The following STARD13 variants were observed in gnomAD, a reference collection of about 807,000 sequenced individuals.
STARD13 encodes stAR-related lipid transfer protein 13.
STARD13 carries 62 observed loss-of-function variants against 106.4 expected under a neutral mutation model. The observed-to-expected ratio is 0.58, with a 90% CI of 0.48 to 0.72. The LOEUF (loss-of-function observed/expected upper bound fraction) is 0.72, where lower values mean the gene tolerates loss of function less well. Ranked by LOEUF, STARD13 falls within the 30% of genes least tolerant of loss-of-function variation. The probability of loss-of-function intolerance (pLI) is 0.00; values close to 1 mark genes in which losing one functional copy is unlikely to be tolerated. For missense variants in STARD13, 1,387 were observed against 1,424.0 expected (o/e 0.97, Z 0.42); for synonymous variants, 565 against 553.0 (o/e 1.02, Z -0.31).
the STARD13 span, among the ~76,000 whole-genome samples, chr13:33,602,936 G>A: frequency 6.6e-6 from 1 of 152,142 alleles, no homozygotes; most frequent in Admixed American, 6.5e-5. Flanking sequence ...AGGCCCTGTT[G>A]CCAAAAAGGT....
chr13:33,592,166 G>A, the STARD13 span, among the ~76,000 whole-genome samples: 1 of 152,106 alleles, frequency 6.6e-6, no homozygotes, highest in Admixed American at 6.5e-5. Flanking sequence ...AAAGGCAAAT[G>A]GTTTGTTGCT....
intron 1 of STARD13, among the ~76,000 whole-genome samples, chr13:33,207,194 G>A (rs1381999706): frequency 6.6e-6 from 1 of 152,184 alleles, no homozygotes; most frequent in African/African-American, 2.4e-5. Context: ...GAGGATAACA[G>A]CCACTCAGAT....
intron 1 of STARD13, among the ~76,000 whole-genome samples, chr13:33,177,335 TAC>T (rs1175059387): frequency 6.6e-6 from 1 of 152,082 alleles, no homozygotes; most frequent in Admixed American, 6.6e-5. Context: ...TTGAAAAACT[TAC>T]ACACACACAG....
rs758354688 is a variant in STARD13, at chr13:33,189,485, G to GT, written c.170-21864dup. On this transcript the variant is annotated intron_variant, in intron 1 of 13. Coordinates refer to ENST00000336934, the MANE Select transcript of STARD13 (RefSeq NM_178006.4). ...AAGGGAAGGGACTCTCTGGTTTGTC[G>GT]TCCTTTCAAAATTCCTAAACAAATT... 1.3e-4 allele frequency among the ~76,000 whole-genome samples: 19 copies of GT among 148,348 alleles called. No homozygotes were observed. The South Asian group carries it at 1.5e-3, about 12-fold the overall frequency.
At chr13:33,352,954 C>G (rs1298622864), upstream of STARD13, among the ~76,000 whole-genome samples, 1 of 152,214 alleles carries the variant, frequency 6.6e-6, no homozygotes, top group Non-Finnish European at 1.5e-5. Flanking sequence ...CAGGTAACCC[C>G]CTAGCCCTAC....
chr13:33,209,535 A>G (rs116173259), intron 1 of STARD13, among the ~76,000 whole-genome samples: 3,983 of 152,186 alleles, frequency 0.026, 161 homozygotes, highest in African/African-American at 0.088. Context: ...AGTGCAGTGA[A>G]AGTTCATAAA....
At chr13:33,422,216 C>T in the STARD13 span, among the ~76,000 whole-genome samples, 225 of 152,256 alleles carry the variant, frequency 1.5e-3, 1 homozygote, top group African/African-American at 5.2e-3. Flanking sequence ...CAGCCCAAAA[C>T]CTCCTTAAGC....
the STARD13 span, among the ~76,000 whole-genome samples, chr13:33,518,055 G>C: frequency 6.6e-6 from 1 of 152,012 alleles, no homozygotes; most frequent in Non-Finnish European, 1.5e-5. Flanking sequence ...AGCTTTTAGG[G>C]AATCAGTGAG....
intron 13 of STARD13, 119 bp from the exon 14 acceptor site, chr13:33,105,829 G>T: frequency 1.2e-6 from 1 of 813,590 alleles, no homozygotes; most frequent in Non-Finnish European, 2.1e-6. Context: ...AGACAGCTCG[G>T]GCTGCTGCCT....
chr13:33,327,848 AG>A (rs2077794112), intron 1 of STARD13, among the ~76,000 whole-genome samples: 1 of 152,228 alleles, frequency 6.6e-6, no homozygotes, highest in Non-Finnish European at 1.5e-5. Context: ...CCTGATGAAA[AG>A]AAGGTGATTG....
rs376998471 is a variant in STARD13 at position 33,129,595 on chromosome 13, C to T, written c.1082G>A (p.Gly361Asp). Residue 361 changes from glycine (G) to aspartate (D), a missense_variant, in exon 5 of 14, where the codon GGC (glycine) becomes GAC (aspartate). Physicochemically the swap from Gly to Asp is moderately conservative, Grantham distance 94. Coordinates refer to ENST00000336934, the MANE Select transcript of STARD13 (RefSeq NM_178006.4). ...RKCHEANKRG[G>D]MYLEDLDVLA... Reference sequence around the variant, plus strand: ...CACATCTAGGTCCTCCAAGTACATGCCCCCGCGCTTGTTGGCCTCGTGGCA... The same window carrying T: ...CACATCTAGGTCCTCCAAGTACATGTCCCCGCGCTTGTTGGCCTCGTGGCA... 23 of 1,613,952 alleles carry T rather than the reference C, an allele frequency of 1.4e-5. No individual in the cohort carries two copies. The highest frequency in any genetic ancestry group is 1.8e-5 in the Non-Finnish European group (21 of 1,180,044).
At chr13:33,124,882 A>T (rs1876924331) in intron 7 of STARD13, among the ~76,000 whole-genome samples, 3 of 152,180 alleles carry the variant, frequency 2.0e-5, no homozygotes, top group Non-Finnish European at 4.4e-5. Context: ...TATTAAGGCC[A>T]TTTCTCAAAA....
upstream of STARD13, among the ~76,000 whole-genome samples, chr13:33,288,776 A>G (rs1473853056): frequency 6.6e-6 from 1 of 152,208 alleles, no homozygotes; most frequent in Admixed American, 6.5e-5. Context: ...AGTAGTATCT[A>G]TAAATTCATG....
chr13:33,350,354 C>T, exon 1 of STARD13: 1 of 1,534,482 alleles, frequency 6.5e-7, no homozygotes, highest in Non-Finnish European at 8.7e-7. Flanking sequence ...TGGAGTCCCG[C>T]AACTGCTCAC....
chr13:33,419,928 G>T, the STARD13 span, among the ~76,000 whole-genome samples: 1 of 152,152 alleles, frequency 6.6e-6, no homozygotes, highest in Non-Finnish European at 1.5e-5. Flanking sequence ...TCCCCACCAG[G>T]CTTGTCTTAC....
upstream of STARD13, among the ~76,000 whole-genome samples, chr13:33,286,472 C>T (rs779167086): frequency 6.6e-6 from 1 of 152,158 alleles, no homozygotes; most frequent in Non-Finnish European, 1.5e-5. Context: ...GTGCCTATCA[C>T]ATTTAAGACA....
At chr13:33,363,017 A>G in the STARD13 span, among the ~76,000 whole-genome samples, 1 of 152,062 alleles carries the variant, frequency 6.6e-6, no homozygotes, top group African/African-American at 2.4e-5. Flanking sequence ...AAATATTTCA[A>G]CTCACAACTC....
the STARD13 span, chr13:33,439,768 A>G: frequency 9.8e-7 from 1 of 1,017,014 alleles, no homozygotes. Flanking sequence ...AAATTATACC[A>G]CTTTTGTGAA....
chr13:33,622,930 A>AAG, the STARD13 span, among the ~76,000 whole-genome samples: 3 of 142,458 alleles, frequency 2.1e-5, no homozygotes, highest in African/African-American at 8.9e-5. Flanking sequence ...AAAAAAAAAA[A>AAG]AAGAAAGAAA....
Sources: gnomAD v4.1 joint callset for allele counts (sites outside exome capture counted in the v4.1 genomes callset) on GRCh38, gnomAD v4.1.1 for gene constraint, MANE v1.5 for transcripts, NCBI Gene and HGNC (gene_info 2026-07-23, HGNC 2026-07-21) for gene names.